DNASE1L3: variants seen among roughly 807,000 people sequenced by gnomAD.
DNASE1L3 encodes the protein deoxyribonuclease 1L3.
DNASE1L3 carries 27 observed loss-of-function variants against 30.9 expected under a neutral mutation model. The observed-to-expected ratio is 0.87, with a 90% CI of 0.64 to 1.20. The LOEUF (loss-of-function observed/expected upper bound fraction) is 1.20, where lower values mean the gene tolerates loss of function less well. Ranked by LOEUF, DNASE1L3 falls within the 50% of genes most tolerant of loss-of-function variation. The pLI is 0.00. For synonymous variants in DNASE1L3, 135 were observed against 138.0 expected, an observed-to-expected ratio of 0.98 and a Z score of 0.15; for missense variants, 364 against 378.2, an observed-to-expected ratio of 0.96 and a Z score of 0.31.
At position 58,205,492 on chromosome 3, in the gene DNASE1L3, T is replaced by G; in HGVS notation, c.299A>C (p.Glu100Ala). 1 of 1,613,996 alleles carries G rather than the reference T, an allele frequency of 6.2e-7. No individual in the cohort carries two copies. The highest frequency in any genetic ancestry group is 8.5e-7 in the Non-Finnish European group (1 of 1,179,820). ...TTACTTGTAGAGAAAGGCATATTGTTCTTTATATGTGTTTCTTCCAAGCCG... is the reference window on the plus strand; with the variant it reads ...TTACTTGTAGAGAAAGGCATATTGTGCTTTATATGTGTTTCTTCCAAGCCG... ...SSRLGRNTYK[E>A]QYAFLYKEKL... Residue 100 changes from glutamate to alanine, a missense_variant, in exon 3 of 8, where the codon GAA (glutamate) becomes GCA (alanine). Transcript: ENST00000394549.
Position 58,205,470 on chromosome 3 carries a change from C to G in DNASE1L3, c.320+1G>C, listed in dbSNP as rs771981459. Reference sequence around the variant, plus strand: ...TTCCAGGGAGCATAGGTGATACTTACTTGTAGAGAAAGGCATATTGTTCTT... The same window carrying G: ...TTCCAGGGAGCATAGGTGATACTTAGTTGTAGAGAAAGGCATATTGTTCTT... On this transcript the variant is annotated splice_donor_variant, in intron 3 of 7. Coordinates refer to ENST00000394549, the MANE Select transcript of DNASE1L3 (RefSeq NM_004944.4). LOFTEE classifies it high-confidence loss of function. 2 of 1,612,806 alleles carry G rather than the reference C, an allele frequency of 1.2e-6. No individual in the cohort carries two copies. Among genetic ancestry groups the G allele is most frequent in the Admixed American group, 3.3e-5 (2 of 60,006 alleles).
intron 6 of DNASE1L3, among the ~76,000 whole-genome samples, chr3:58,196,456 G>A (rs1308893037): frequency 6.6e-6 from 1 of 151,108 alleles, no homozygotes; most frequent in Non-Finnish European, 1.5e-5. Flanking sequence ...GGGAGGCTGA[G>A]GCAGGAGAAT....
Position 58,197,058 on chromosome 3 carries a change from A to G in DNASE1L3, c.704+763T>C, listed in dbSNP as rs1034604554. 6.6e-6 allele frequency among the ~76,000 whole-genome samples: 1 copy of G among 152,222 alleles called. No homozygotes were observed. The highest frequency in any genetic ancestry group is 2.4e-5 in the African/African-American group (1 of 41,446). On this transcript the variant is annotated intron_variant, in intron 6 of 7. Coordinates refer to ENST00000394549, the MANE Select transcript of DNASE1L3 (RefSeq NM_004944.4). The surrounding 1 kb of genome is among the most constrained non-coding windows in gnomAD (Gnocchi z 5.3). Reference sequence around the variant, plus strand: ...CTAATGATGGGGATTGGGCGCATCAATTGCGGTAAGTCTTTGTGATGGAAC... The same window carrying G: ...CTAATGATGGGGATTGGGCGCATCAGTTGCGGTAAGTCTTTGTGATGGAAC...
At chr3:58,204,177 A>G (rs554815799) in intron 4 of DNASE1L3, among the ~76,000 whole-genome samples, 13 of 146,074 alleles carry the variant, frequency 8.9e-5, no homozygotes, top group Admixed American at 4.2e-4. Context: ...GTCTCACTCT[A>G]TCGCCCAAGC....
intron 3 of DNASE1L3, 141 bp downstream of exon 3, chr3:58,205,330 C>G: frequency 1.3e-6 from 1 of 766,608 alleles, no homozygotes; most frequent in South Asian, 1.5e-5. Context: ...TGCATAGGCC[C>G]CTAGTTTTGA....
chr3:58,193,493 A>T, intron 6 of DNASE1L3, 54 bp from the exon 7 acceptor site: 1 of 1,490,496 alleles, frequency 6.7e-7, no homozygotes, highest in Non-Finnish European at 9.3e-7. Context: ...GATTGCTGAG[A>T]TCAAACCAAG....
chr3:58,202,051 G>A (rs184465626), intron 4 of DNASE1L3, among the ~76,000 whole-genome samples: 6 of 150,466 alleles, frequency 4.0e-5, no homozygotes, highest in African/African-American at 1.2e-4. Context: ...ATTTTCTTTT[G>A]TTTCTGATGT....
chr3:58,196,020 A>G (rs4681817), intron 6 of DNASE1L3, among the ~76,000 whole-genome samples: 1 of 151,896 alleles, frequency 6.6e-6, no homozygotes, highest in Non-Finnish European at 1.5e-5. Context: ...ATCATTTTCA[A>G]TCACTTCCCA....
intron 2 of DNASE1L3, 146 bp from the exon 3 acceptor site, chr3:58,205,706 G>A (rs9311671): frequency 0.31 from 205,053 of 652,636 alleles, 36,658 homozygotes; most frequent in East Asian, 0.61. Flanking sequence ...TCCAATGAGA[G>A]GAGCCACCAT....
At chr3:58,207,269 G>C (rs1019286567) in intron 2 of DNASE1L3, among the ~76,000 whole-genome samples, 1 of 152,120 alleles carries the variant, frequency 6.6e-6, no homozygotes, top group African/African-American at 2.4e-5. Flanking sequence ...CTACTTGGGA[G>C]GCTGAGGCAG....
At chr3:58,205,323 A>C in intron 3 of DNASE1L3, 148 bp downstream of exon 3, 1 of 738,092 alleles carries the variant, frequency 1.4e-6, no homozygotes. Context: ...AATACTTTGC[A>C]TAGGCCCCTA....
intron 6 of DNASE1L3, among the ~76,000 whole-genome samples, chr3:58,195,025 A>G (rs1194245279): frequency 6.6e-6 from 1 of 152,220 alleles, no homozygotes; most frequent in East Asian, 1.9e-4. Context: ...AAAGAATGAC[A>G]TGTTAAAGGC....
chr3:58,204,416 C>T (rs539111525), intron 4 of DNASE1L3, among the ~76,000 whole-genome samples: 1 of 152,104 alleles, frequency 6.6e-6, no homozygotes, highest in South Asian at 2.1e-4. Context: ...GCTGGGATTA[C>T]AGCCATGCGC....
At chr3:58,199,172 G>C (rs940137164) in intron 5 of DNASE1L3, among the ~76,000 whole-genome samples, 1 of 152,194 alleles carries the variant, frequency 6.6e-6, no homozygotes, top group Non-Finnish European at 1.5e-5. Context: ...TAACCTCAGT[G>C]ATCACCAGCT....
At chr3:58,208,609 A>C (rs1258932553) in intron 1 of DNASE1L3, among the ~76,000 whole-genome samples, 5 of 152,222 alleles carry the variant, frequency 3.3e-5, no homozygotes, top group Non-Finnish European at 7.3e-5. Flanking sequence ...TGACCTCCCC[A>C]CAATATCCTG....
intron 2 of DNASE1L3, among the ~76,000 whole-genome samples, chr3:58,206,522 G>T (rs537565160): frequency 6.6e-5 from 10 of 152,170 alleles, no homozygotes; most frequent in Non-Finnish European, 1.5e-4. Flanking sequence ...CAAACTGCTT[G>T]TGGTGACTCA....
intron 1 of DNASE1L3, 63 bp from the exon 2 acceptor site, chr3:58,208,369 T>C: frequency 1.3e-6 from 2 of 1,533,822 alleles, no homozygotes; most frequent in Non-Finnish European, 1.8e-6. Flanking sequence ...AAACCTTTTA[T>C]TGGACACTTA....
intron 5 of DNASE1L3, 93 bp from the exon 6 acceptor site, chr3:58,198,071 AGTAAACAACAGGGTCT>A: frequency 7.3e-7 from 1 of 1,371,008 alleles, no homozygotes; most frequent in African/African-American, 1.4e-5. Context: ...TCCCAGGCCC[AGTAAACAACAGGGTCT>A]GTTATGGGCT....
Position 58,205,468 on chromosome 3 carries a change from T to A in DNASE1L3, c.320+3A>T. 6.2e-7 allele frequency: 1 copy of A among 1,612,460 alleles called. No individual in the cohort carries two copies. The highest frequency in any genetic ancestry group is 8.5e-7 in the Non-Finnish European group (1 of 1,178,436). ...TGTTCCAGGGAGCATAGGTGATACT[T>A]ACTTGTAGAGAAAGGCATATTGTTC... On this transcript the variant is annotated splice_donor_region_variant and intron_variant, in intron 3 of 7. Coordinates refer to ENST00000394549, the MANE Select transcript of DNASE1L3 (RefSeq NM_004944.4).
Sources: allele counts gnomAD v4.1 joint callset (sites outside exome capture counted in the v4.1 genomes callset), GRCh38; gene constraint gnomAD v4.1.1; non-coding constraint Gnocchi (gnomAD v3.1); transcripts MANE v1.5; gene names NCBI Gene and HGNC (gene_info 2026-07-23, HGNC 2026-07-21).